SYTL5: variants seen among roughly 807,000 people sequenced by gnomAD.
SYTL5 encodes synaptotagmin like 5.
In SYTL5, 34 loss-of-function variants were observed where a neutral mutation model predicts 55.9. The ratio of observed to expected loss-of-function variants is 0.61; its 90% CI spans 0.46 to 0.81. The LOEUF (loss-of-function observed/expected upper bound fraction) is 0.81. Ranked by LOEUF, SYTL5 falls within the 30% of genes least tolerant of loss-of-function variation. The probability of loss-of-function intolerance (pLI) is 0.00; values close to 1 mark genes in which losing one functional copy is unlikely to be tolerated. For synonymous variants in SYTL5, 221 were observed against 188.7 expected, an observed-to-expected ratio of 1.17 and a Z score of -1.40; for missense variants, 637 against 546.7, an observed-to-expected ratio of 1.17 and a Z score of -1.65.
At chrX:37,943,244 G>C in the SYTL5 span, among the ~76,000 whole-genome samples, 1 of 111,982 alleles carries the variant, frequency 8.9e-6, no homozygotes, top group Non-Finnish European at 1.9e-5. Context: ...GTTTGGAAAG[G>C]AAAACTAAGG....
intron 2 of SYTL5, among the ~76,000 whole-genome samples, chrX:38,047,933 T>A (rs1935511586): frequency 9.0e-6 from 1 of 111,182 alleles, no homozygotes; most frequent in East Asian, 2.8e-4. Flanking sequence ...ATGCCTGTAA[T>A]CCCAGCATTT....
At chrX:37,944,290 A>ATT in the SYTL5 span, among the ~76,000 whole-genome samples, 243 of 106,286 alleles carry the variant, frequency 2.3e-3, 1 homozygote, top group African/African-American at 7.9e-3. Flanking sequence ...GTTGAAAAAG[A>ATT]TTTTTTTTTT....
chrX:37,954,654 G>A, the SYTL5 span, among the ~76,000 whole-genome samples: 2 of 112,019 alleles, frequency 1.8e-5, no homozygotes, highest in African/African-American at 6.5e-5. Context: ...CCATGCTGGA[G>A]TAAATCAAAA....
chrX:37,973,361 G>C, the SYTL5 span, among the ~76,000 whole-genome samples: 2 of 111,447 alleles, frequency 1.8e-5, no homozygotes, highest in African/African-American at 3.3e-5. Context: ...AATTATTGGA[G>C]TAGCGCACTC....
chrX:38,121,864 T>C (rs1484491174), intron 14 of SYTL5, among the ~76,000 whole-genome samples: 1 of 112,480 alleles, frequency 8.9e-6, no homozygotes, highest in East Asian at 2.8e-4. Context: ...TTCATTTGTT[T>C]CAACAAATAC....
chrX:37,897,600 C>T, the SYTL5 span, among the ~76,000 whole-genome samples: 1 of 111,366 alleles, frequency 9.0e-6, no homozygotes, highest in Non-Finnish European at 1.9e-5. Context: ...TGAGCTGAAC[C>T]GATCAGTTTC....
rs201380031 is a variant in SYTL5 at position 38,106,631 on chromosome X, G to A, written c.1194G>A (p.Thr398=). The A allele has an allele frequency of 3.9e-5, 47 of 1,206,715 alleles. No individual in the cohort carries two copies. The highest frequency in any genetic ancestry group is 4.4e-5 in the Admixed American group (2 of 45,357). The change falls in exon 11 of 17, where the codon ACG becomes ACA. Residue 398 remains threonine, a synonymous_variant. Transcript: ENST00000297875. ...LNSMMSVYSE[T]GDYGNVKVSG... The stretch of plus-strand genomic sequence containing the variant: ...GCATGATGAGCGTTTACAGTGAAAC[G>A]GGAGACTATGGCAACGTGAAAGTCA...
At chrX:37,915,559 TTTAAAGTAGTA>T in the SYTL5 span, among the ~76,000 whole-genome samples, 1 of 112,139 alleles carries the variant, frequency 8.9e-6, no homozygotes, top group Non-Finnish European at 1.9e-5. Context: ...TGACCTAAAT[TTTAAAGTAGTA>T]ATGATTTTGA....
At chrX:37,948,678 T>C in the SYTL5 span, among the ~76,000 whole-genome samples, 2 of 111,301 alleles carry the variant, frequency 1.8e-5, no homozygotes, top group Admixed American at 9.6e-5. Flanking sequence ...CACATATAAG[T>C]GAGATCATGG....
At chrX:38,123,806 T>C (rs1479081737) in intron 15 of SYTL5, among the ~76,000 whole-genome samples, 1 of 112,202 alleles carries the variant, frequency 8.9e-6, no homozygotes, top group African/African-American at 3.2e-5. Context: ...TTCCGGTAAA[T>C]TCTGTCTATA....
chrX:37,934,824 G>T, the SYTL5 span, among the ~76,000 whole-genome samples: 1 of 110,000 alleles, frequency 9.1e-6, no homozygotes, highest in Non-Finnish European at 1.9e-5. Context: ...AGTAGAGGTG[G>T]GGTTTCACCA....
rs1937223307 is a variant in SYTL5, at chrX:38,106,681, G to A, written c.1244G>A (p.Ser415Asn). 1 of 1,207,772 alleles carries A rather than the reference G, an allele frequency of 8.3e-7. No individual in the cohort carries two copies. The highest frequency in any genetic ancestry group is 1.7e-5 in the African/African-American group (1 of 57,204). The change falls in exon 11 of 17, where the codon AGC (serine) becomes AAC (asparagine). Residue 415 changes from serine to asparagine, a missense_variant. Ser to Asn is a conservative substitution (Grantham distance 46). Coordinates refer to ENST00000297875, the MANE Select transcript of SYTL5 (RefSeq NM_138780.3). ...KVSGEILLHI[S>N]YCYKTGGLYI... Reference sequence around the variant, plus strand: ...AGTGGTGAAATCCTTCTCCATATCAGCTACTGCTACAAAACTGGTGGGCTG... The same window carrying A: ...AGTGGTGAAATCCTTCTCCATATCAACTACTGCTACAAAACTGGTGGGCTG...
chrX:37,935,143 G>A, the SYTL5 span, among the ~76,000 whole-genome samples: 4 of 111,953 alleles, frequency 3.6e-5, no homozygotes, highest in African/African-American at 9.7e-5. Context: ...ATTAGCAGCA[G>A]GTTTCTTATC....
chrX:37,969,087 G>A, the SYTL5 span, among the ~76,000 whole-genome samples: 3 of 111,407 alleles, frequency 2.7e-5, no homozygotes, highest in Non-Finnish European at 5.7e-5. Context: ...AGTTTTATCC[G>A]TATAAGTTCC....
At chrX:37,969,644 G>GT in the SYTL5 span, among the ~76,000 whole-genome samples, 5 of 111,194 alleles carry the variant, frequency 4.5e-5, no homozygotes, top group African/African-American at 9.8e-5. Context: ...AGGCCTTTCC[G>GT]TTTTTTTTGA....
intron 6 of SYTL5, among the ~76,000 whole-genome samples, chrX:38,078,469 C>T (rs1602374194): frequency 1.8e-5 from 2 of 110,301 alleles, no homozygotes; most frequent in Admixed American, 1.9e-4. Context: ...ACCGTGTTAG[C>T]CAGGACAGTC....
chrX:38,054,611 TGAGAGAGAGAGAGA>T (rs3067495), intron 3 of SYTL5, among the ~76,000 whole-genome samples, 189 bp downstream of exon 3: 7 of 95,412 alleles, frequency 7.3e-5, no homozygotes, highest in Middle Eastern at 5.3e-3. Flanking sequence ...TGTGTGTATG[TGAGAGAGAGAGAGA>T]GAGAGAGAGA....
the SYTL5 span, among the ~76,000 whole-genome samples, chrX:37,990,208 T>C: frequency 9.0e-6 from 1 of 111,006 alleles, no homozygotes; most frequent in Non-Finnish European, 1.9e-5. Context: ...GACTAAAATA[T>C]ATTTTTCAAA....
At chrX:37,906,003 CGT>C in the SYTL5 span, 1 of 113,433 alleles carries the variant, frequency 8.8e-6, no homozygotes, top group African/African-American at 3.2e-5. Flanking sequence ...ACGCCAAGCG[CGT>C]GAGTCACTCT....
Sources: allele counts gnomAD v4.1 joint callset (sites outside exome capture counted in the v4.1 genomes callset), GRCh38; gene constraint gnomAD v4.1.1; transcripts MANE v1.5; gene names NCBI Gene and HGNC (gene_info 2026-07-23, HGNC 2026-07-21).